The following NFYC variants were observed in gnomAD, a reference collection of about 807,000 sequenced individuals.
NFYC encodes nuclear transcription factor Y subunit gamma.
NFYC carries 25 observed loss-of-function variants against 53.1 expected under a neutral mutation model. The observed-to-expected ratio is 0.47, with a 90% CI of 0.34 to 0.66. The LOEUF is 0.66. Ranked by LOEUF, NFYC falls within the 30% of genes least tolerant of loss-of-function variation. The pLI is 0.01. For missense variants in NFYC, 260 were observed against 422.7 expected (o/e 0.62, Z 3.38); for synonymous variants, 145 against 152.6 (o/e 0.95, Z 0.37).
rs570245151 is a variant in NFYC, at chr1:40,738,522, C to T, written c.-8-314C>T. On this transcript the variant is annotated intron_variant, in intron 1 of 9. Transcript: ENST00000447388. ...GGGCAACAAAGTACTTTCCTCACCC[C>T]ACACCCATATAAGAAGTTAAAAGTC... Among the ~76,000 whole-genome samples, 5 of 152,270 alleles carry T rather than the reference C, an allele frequency of 3.3e-5. No homozygotes were observed. In the East Asian group the frequency reaches 7.7e-4, roughly 23 times the overall value.
intron 1 of NFYC, among the ~76,000 whole-genome samples, chr1:40,698,909 A>C (rs1482498840): frequency 3.3e-5 from 5 of 152,136 alleles, no homozygotes; most frequent in Non-Finnish European, 5.9e-5. Flanking sequence ...TCACACCTGT[A>C]ATCCCAGCAC....
At chr1:40,755,424 G>A (rs909110584) in intron 5 of NFYC, among the ~76,000 whole-genome samples, 5 of 152,214 alleles carry the variant, frequency 3.3e-5, no homozygotes, top group Non-Finnish European at 5.9e-5. Context: ...TGAATTGTGA[G>A]TCCAAGGCCC....
intron 1 of NFYC, among the ~76,000 whole-genome samples, chr1:40,707,745 G>A (rs1643774079): frequency 6.6e-6 from 1 of 151,452 alleles, no homozygotes. Flanking sequence ...AGGCTAAGGT[G>A]GGAAGATCGC....
intron 1 of NFYC, among the ~76,000 whole-genome samples, chr1:40,716,962 T>C (rs527850423): frequency 4.6e-5 from 7 of 152,096 alleles, no homozygotes; most frequent in African/African-American, 1.4e-4. Flanking sequence ...AAGAGCAAGT[T>C]TGGGGGGAAA....
At position 40,769,432 on chromosome 1, in the gene NFYC, G is replaced by A. The variant is rs1052248819; in HGVS notation, c.888+17G>A. 3.1e-6 allele frequency: 5 copies of A among 1,613,534 alleles called. No homozygotes were observed. Among genetic ancestry groups the A allele is most frequent in the Non-Finnish European group, 2.5e-6 (3 of 1,179,592 alleles). On this transcript the variant is annotated intron_variant, in intron 9 of 9. Coordinates refer to ENST00000447388, the MANE Select transcript of NFYC (RefSeq NM_014223.5). ...GATGGACAGGTAGGGTACCCAACCT[G>A]GGCTGGGCAGAGGGTGAGGATTTGC...
chr1:40,718,525 C>G (rs965361478), intron 1 of NFYC, among the ~76,000 whole-genome samples: 1 of 152,176 alleles, frequency 6.6e-6, no homozygotes, highest in Non-Finnish European at 1.5e-5. Flanking sequence ...GTAAAGGGAA[C>G]AAACATACAG....
At chr1:40,739,315 T>C (rs973621491) in intron 2 of NFYC, among the ~76,000 whole-genome samples, 1 of 152,182 alleles carries the variant, frequency 6.6e-6, no homozygotes, top group African/African-American at 2.4e-5. Flanking sequence ...TTTCTAGAAC[T>C]TGGTAAAAAC....
rs1645802678 is a variant in NFYC at position 40,749,678 on chromosome 1, A to G, written c.283A>G (p.Thr95Ala). 6.2e-7 allele frequency: 1 copy of G among 1,613,774 alleles called. No homozygotes were observed. The highest frequency in any genetic ancestry group is 1.1e-5 in the South Asian group (1 of 91,078). Residue 95 changes from threonine to alanine, a missense_variant, in exon 4 of 10, where the codon ACT (threonine) becomes GCT (alanine). Transcript: ENST00000447388. ...WIHTEDNKRR[T>A]LQRNDIAMAI... ...TCACACAGAAGATAACAAGCGCCGG[A>G]CTCTACAGGTATTATTGCAGACTTA...
chr1:40,759,904 TAAG>T (rs1646453833), intron 6 of NFYC, among the ~76,000 whole-genome samples: 1 of 152,056 alleles, frequency 6.6e-6, no homozygotes, highest in Non-Finnish European at 1.5e-5. Flanking sequence ...TATATTCTAA[TAAG>T]GAGCTGAGTT....
intron 8 of NFYC, 122 bp downstream of exon 8, chr1:40,766,825 C>A: frequency 6.8e-7 from 1 of 1,481,350 alleles, no homozygotes; most frequent in Non-Finnish European, 9.3e-7. Context: ...AGCACCACCC[C>A]CACACCCTCC....
intron 1 of NFYC, among the ~76,000 whole-genome samples, chr1:40,706,701 C>T (rs1417357784): frequency 6.6e-6 from 1 of 152,104 alleles, no homozygotes; most frequent in Non-Finnish European, 1.5e-5. Flanking sequence ...AATTGATTTT[C>T]ACCACATTAG....
intron 1 of NFYC, among the ~76,000 whole-genome samples, chr1:40,728,328 G>A (rs995657700): frequency 2.0e-5 from 3 of 152,110 alleles, no homozygotes; most frequent in Non-Finnish European, 4.4e-5. Flanking sequence ...TGGGCGCGAT[G>A]GTTTACACCT....
chr1:40,724,780 G>A (rs538308721), intron 1 of NFYC, among the ~76,000 whole-genome samples: 3 of 151,904 alleles, frequency 2.0e-5, no homozygotes, highest in Non-Finnish European at 4.4e-5. Context: ...AGATTATATT[G>A]TACTAGATAC....
intron 8 of NFYC, chr1:40,767,374 T>G: frequency 4.0e-6 from 1 of 251,108 alleles, no homozygotes; most frequent in Non-Finnish European, 7.9e-6. Context: ...TTTCTGGTGA[T>G]GTATCTATTG....
intron 6 of NFYC, among the ~76,000 whole-genome samples, chr1:40,761,828 G>T (rs1176403123): frequency 1.3e-5 from 2 of 152,246 alleles, no homozygotes; most frequent in East Asian, 3.9e-4. Context: ...TTCTTATTGA[G>T]GTGATTAATT....
At chr1:40,697,141 G>A (rs1277037560) in intron 1 of NFYC, among the ~76,000 whole-genome samples, 1 of 152,206 alleles carries the variant, frequency 6.6e-6, no homozygotes, top group African/African-American at 2.4e-5. Flanking sequence ...ATACCTACCT[G>A]TAGGGTAATT....
chr1:40,758,282 T>A lies in NFYC; in HGVS notation c.549T>A (p.Pro183=). 6.2e-7 allele frequency: 1 copy of A among 1,611,290 alleles called. No individual in the cohort carries two copies. Among genetic ancestry groups the A allele is most frequent in the Non-Finnish European group, 8.5e-7 (1 of 1,178,454 alleles). Residue 183 remains proline (P), a synonymous_variant, in exon 6 of 10, where the codon CCT becomes CCA. Coordinates refer to ENST00000447388, the MANE Select transcript of NFYC (RefSeq NM_014223.5). Reference sequence around the variant, plus strand: ...CTGGGCAGATCATCATCGCACAGCCTCAGCAGGGCCAGGTCTGTGAGCTGC... The same window carrying A: ...CTGGGCAGATCATCATCGCACAGCCACAGCAGGGCCAGGTCTGTGAGCTGC... The part of the protein sequence containing the change: ...IQPGQIIIAQ[P]QQGQTTPVTM...
Position 40,708,813 on chromosome 1 carries a change from C to T in NFYC, c.-9+16946C>T, listed in dbSNP as rs182444428. ...AGCCCTACCCAGTTTTGTTTTTCTT[C>T]TGTTAATGCTCAACAGAAAACTGAA... is the stretch of plus-strand genomic sequence containing the variant. On this transcript the variant is annotated intron_variant, in intron 1 of 9. Coordinates refer to ENST00000447388, the MANE Select transcript of NFYC (RefSeq NM_014223.5). Among the ~76,000 whole-genome samples the T allele has an allele frequency of 2.7e-3, 404 of 152,276 alleles. 1 individual carries two copies. Among genetic ancestry groups the T allele is most frequent in the Non-Finnish European group, 4.4e-3 (296 of 68,010 alleles).
At chr1:40,763,619 T>C in intron 7 of NFYC, 1 of 344,160 alleles carries the variant, frequency 2.9e-6, no homozygotes, top group East Asian at 7.7e-5. Context: ...AGTGCTGGGA[T>C]TACAGGCATG....
Sources: allele counts gnomAD v4.1 joint callset (sites outside exome capture counted in the v4.1 genomes callset), GRCh38; gene constraint gnomAD v4.1.1; transcripts MANE v1.5; gene names NCBI Gene and HGNC (gene_info 2026-07-23, HGNC 2026-07-21).